Variants in PZP observed in about 807,000 individuals in gnomAD.
The protein encoded by PZP is pregnancy zone protein.
PZP carries 150 observed loss-of-function variants against 179.8 expected under a neutral mutation model. The observed-to-expected ratio is 0.83, with a 90% CI of 0.73 to 0.96. The LOEUF (loss-of-function observed/expected upper bound fraction) is 0.96. PZP is among the 40% of genes least tolerant of loss of function. The pLI is 0.00. For missense variants in PZP, 1,689 were observed against 1,764.0 expected (o/e 0.96, Z 0.76); for synonymous variants, 624 against 652.3 (o/e 0.96, Z 0.66).
chr12:9,180,820 AGCT>A (rs1164993621), intron 15 of PZP, among the ~76,000 whole-genome samples, 160 bp downstream of exon 15: 2 of 152,230 alleles, frequency 1.3e-5, no homozygotes, highest in East Asian at 3.8e-4. Context: ...TAAACTAAAG[AGCT>A]TCTGCACAGC....
downstream of PZP, among the ~76,000 whole-genome samples, chr12:9,143,872 G>GA (rs1939866823): frequency 6.6e-6 from 1 of 152,228 alleles, no homozygotes; most frequent in African/African-American, 2.4e-5. Flanking sequence ...GGACTGGTAA[G>GA]AAGAAGCCTA....
intron 1 of PZP, among the ~76,000 whole-genome samples, chr12:9,207,498 G>A (rs1944497063): frequency 6.6e-6 from 1 of 152,210 alleles, no homozygotes; most frequent in South Asian, 2.1e-4. Context: ...GGATGCAAAG[G>A]TAGGAGTTCT....
chr12:9,190,811 T>A (rs1281965176), intron 13 of PZP, among the ~76,000 whole-genome samples: 1 of 152,292 alleles, frequency 6.6e-6, no homozygotes, highest in South Asian at 2.1e-4. Context: ...TTGGACAGTA[T>A]GAAGAATAGT....
intron 22 of PZP, among the ~76,000 whole-genome samples, chr12:9,161,606 T>G (rs190610303): frequency 6.6e-5 from 10 of 152,314 alleles, no homozygotes; most frequent in African/African-American, 1.9e-4. Context: ...TTAAGACTTA[T>G]AACCATGATA....
At chr12:9,173,540 G>GT (rs1191585135) in intron 15 of PZP, among the ~76,000 whole-genome samples, 2 of 151,760 alleles carry the variant, frequency 1.3e-5, no homozygotes, top group Non-Finnish European at 1.5e-5. Context: ...CCAGGAGCTG[G>GT]TTTTTTTGAA....
chr12:9,163,870 T>C, intron 20 of PZP, 81 bp from the exon 21 acceptor site: 8 of 1,470,256 alleles, frequency 5.4e-6, no homozygotes, highest in Non-Finnish European at 7.3e-6. Flanking sequence ...AAACTTATAG[T>C]TGTCCAGAAT....
At chr12:9,181,231 G>T in intron 14 of PZP, 99 bp from the exon 15 acceptor site, 1 of 1,443,492 alleles carries the variant, frequency 6.9e-7, no homozygotes, top group Non-Finnish European at 9.5e-7. Context: ...CAGTTCATAT[G>T]ACTATGTTGG....
chr12:9,146,099 A>G (rs1939994215), downstream of PZP, among the ~76,000 whole-genome samples: 1 of 152,060 alleles, frequency 6.6e-6, no homozygotes, highest in Non-Finnish European at 1.5e-5. Context: ...CATTATTTCT[A>G]TGAATAAGTT....
At chr12:9,163,014 A>G (rs1320113219) in intron 21 of PZP, among the ~76,000 whole-genome samples, 1 of 152,164 alleles carries the variant, frequency 6.6e-6, no homozygotes, top group African/African-American at 2.4e-5. Context: ...CCCACTTATA[A>G]GTGAGAACAT....
chr12:9,200,978 G>A lies in PZP; in HGVS notation c.584C>T (p.Ser195Leu). 1 of 1,614,074 alleles carries A rather than the reference G, an allele frequency of 6.2e-7. No homozygotes were observed. Among genetic ancestry groups the A allele is most frequent in the South Asian group, 1.1e-5 (1 of 91,070 alleles). The stretch of plus-strand genomic sequence containing the variant: ...CCTGTAGGAGCCCTGAATGGGCTCT[G>A]ATGAGAGGGGAAAGGACAACTGATT... ...GINQLSFPLSSEPIQGSYRVV... is the reference protein window; with the variant it reads ...GINQLSFPLSLEPIQGSYRVV... Residue 195 changes from serine to leucine, a missense_variant, in exon 6 of 36, where the codon TCA becomes TTA. Ser to Leu is a moderately radical substitution (Grantham distance 145, BLOSUM62 -2). Coordinates refer to ENST00000261336, the MANE Select transcript of PZP (RefSeq NM_002864.3).
downstream of PZP, chr12:9,148,817 T>C: frequency 3.2e-6 from 2 of 629,212 alleles, no homozygotes; most frequent in South Asian, 4.4e-5. Flanking sequence ...TAATGTCTGA[T>C]GAATGAATGA....
intron 13 of PZP, among the ~76,000 whole-genome samples, chr12:9,191,764 G>A (rs905864139): frequency 3.9e-5 from 6 of 152,008 alleles, no homozygotes; most frequent in Admixed American, 6.5e-5. Flanking sequence ...ATCCAATTTC[G>A]TATATAAAGT....
At position 9,149,569 on chromosome 12, in the gene PZP, C is replaced by T. The variant is rs1273191210; in HGVS notation, c.4418G>A (p.Cys1473Tyr). ...AAGTGGTGAACTCTTACCTGTGCTG[C>T]AGGGGGCGATATACTCAGCAACCAC... ...ESVVAEYIAPCSTDTEHGNV is the reference protein window; with the variant it reads ...ESVVAEYIAPYSTDTEHGNV Residue 1473 changes from cysteine (C) to tyrosine (Y), a missense_variant, in exon 35 of 36, where the codon TGC (cysteine) becomes TAC (tyrosine). Coordinates refer to ENST00000261336, the MANE Select transcript of PZP (RefSeq NM_002864.3). 6.2e-7 allele frequency: 1 copy of T among 1,612,806 alleles called. No homozygotes were observed. The highest frequency in any genetic ancestry group is 1.1e-5 in the South Asian group (1 of 90,914).
At chr12:9,138,152 G>A in the PZP span, among the ~76,000 whole-genome samples, 2 of 151,910 alleles carry the variant, frequency 1.3e-5, no homozygotes, top group Non-Finnish European at 2.9e-5. Context: ...TTATCTATGG[G>A]CCTTTCATAT....
chr12:9,152,635 A>G (rs996597016), intron 31 of PZP, among the ~76,000 whole-genome samples, 189 bp downstream of exon 31: 4 of 152,246 alleles, frequency 2.6e-5, no homozygotes, highest in African/African-American at 9.6e-5. Flanking sequence ...GTTATTTAGT[A>G]TATATTACTT....
chr12:9,184,461 C>A (rs1293226212), intron 13 of PZP, among the ~76,000 whole-genome samples: 1 of 152,210 alleles, frequency 6.6e-6, no homozygotes, highest in Non-Finnish European at 1.5e-5. Flanking sequence ...AGTGGGGATC[C>A]CCCAATCCCC....
At chr12:9,141,722 CTG>C in the PZP span, among the ~76,000 whole-genome samples, 3 of 152,158 alleles carry the variant, frequency 2.0e-5, no homozygotes, top group African/African-American at 4.8e-5. Flanking sequence ...TATATGTAAA[CTG>C]TTTTTTCAAT....
rs779836015 is a variant in PZP, at chr12:9,163,625, G to A, written c.2736+43C>T. The A allele has an allele frequency of 3.7e-6, 6 of 1,604,538 alleles. No homozygotes were observed. The African/African-American group carries it at 4.0e-5, about 11-fold the overall frequency. ...GTTGTCTCAAGAGTGACCGCCCGGT[G>A]TTGCATTCTTACAGTTGTTAGGGAC... is the stretch of plus-strand genomic sequence containing the variant. On this transcript the variant is annotated intron_variant, in intron 21 of 35. Transcript: ENST00000261336.
Position 9,148,972 on chromosome 12 carries a change from T to C in PZP, c.4449A>G (p.Ter1483TrpextTer18). Residue 1483 changes from the stop codon to tryptophan (W), a stop_lost, in exon 36 of 36, where the codon TGA becomes TGG. Coordinates refer to ENST00000261336, the MANE Select transcript of PZP (RefSeq NM_002864.3). ...CSTDTEHGNV* is the reference protein window; with the variant it reads ...CSTDTEHGNVW ...CCAAAATATACAGCCTGTATGGTCC[T>C]CAAACATTTCCATGCTCTGTATCTA... The C allele has an allele frequency of 6.2e-7, 1 of 1,610,286 alleles. No homozygotes were observed. The highest frequency in any genetic ancestry group is 8.5e-7 in the Non-Finnish European group (1 of 1,176,528).
Sources: gnomAD v4.1 joint callset for allele counts (sites outside exome capture counted in the v4.1 genomes callset) on GRCh38, gnomAD v4.1.1 for gene constraint, MANE v1.5 for transcripts, NCBI Gene and HGNC (gene_info 2026-07-23, HGNC 2026-07-21) for gene names.